Variants in DLG2 observed in about 807,000 individuals in gnomAD.
DLG2 encodes disks large homolog 2.
A neutral mutation model predicts 132.5 loss-of-function variants in DLG2; 45 were observed. The observed-to-expected ratio is 0.34, with a 90% CI of 0.27 to 0.44. The LOEUF is 0.44. DLG2 is among the 20% of genes least tolerant of loss of function. The pLI is 1.00. For missense variants in DLG2, 1,045 were observed against 1,196.9 expected (o/e 0.87, Z 1.87); for synonymous variants, 424 against 419.6 (o/e 1.01, Z -0.13).
intron 3 of DLG2, among the ~76,000 whole-genome samples, chr11:85,595,451 A>G (rs2079679792): frequency 6.6e-6 from 1 of 152,188 alleles, no homozygotes; most frequent in Non-Finnish European, 1.5e-5. Flanking sequence ...ATTTGGATAA[A>G]TGTTTCCTTA....
At chr11:85,515,091 A>G (rs1412346351) in intron 3 of DLG2, among the ~76,000 whole-genome samples, 1 of 151,934 alleles carries the variant, frequency 6.6e-6, no homozygotes, top group East Asian at 1.9e-4. Flanking sequence ...CTGTAGTCAG[A>G]TAACTGGAGT....
chr11:85,509,503 G>A (rs1183106788), intron 3 of DLG2, among the ~76,000 whole-genome samples: 2 of 152,034 alleles, frequency 1.3e-5, no homozygotes, highest in Admixed American at 1.3e-4. Context: ...TGGTTTGTCA[G>A]AGGAAAGACA....
chr11:84,905,007 C>T (rs1234301992), intron 6 of DLG2, among the ~76,000 whole-genome samples: 2 of 152,080 alleles, frequency 1.3e-5, no homozygotes, highest in African/African-American at 4.8e-5. Context: ...TCCCAAGTAG[C>T]TTGGATTATA....
intron 6 of DLG2, among the ~76,000 whole-genome samples, chr11:84,560,554 C>T (rs1592369453): frequency 6.6e-6 from 1 of 152,164 alleles, no homozygotes; most frequent in Admixed American, 6.5e-5. Flanking sequence ...TTCTATAAGA[C>T]ATGGCAGATT....
At chr11:83,558,753 C>T (rs1236549208) in intron 19 of DLG2, among the ~76,000 whole-genome samples, 1 of 152,090 alleles carries the variant, frequency 6.6e-6, no homozygotes, top group East Asian at 1.9e-4. Context: ...CAGAGGTTGA[C>T]TGACTAATTA....
chr11:85,413,750 T>C (rs1203415595), intron 3 of DLG2, among the ~76,000 whole-genome samples: 2 of 152,088 alleles, frequency 1.3e-5, no homozygotes, highest in East Asian at 1.9e-4. Flanking sequence ...TTCTATTCCA[T>C]TGGTCTGTGT....
chr11:83,705,012 C>A (rs1443077557), intron 18 of DLG2, among the ~76,000 whole-genome samples: 1 of 152,006 alleles, frequency 6.6e-6, no homozygotes, highest in Non-Finnish European at 1.5e-5. Context: ...ACAAATATAC[C>A]TCCTGAATCT....
chr11:84,234,140 A>G (rs2097129294), intron 8 of DLG2, among the ~76,000 whole-genome samples: 2 of 152,110 alleles, frequency 1.3e-5, no homozygotes, highest in Admixed American at 6.5e-5. Context: ...TGGACAGCCC[A>G]CCCCGAGGGA....
Position 84,418,829 on chromosome 11 carries a change from C to T in DLG2, c.519+115741G>A, listed in dbSNP as rs147893335. Among the ~76,000 whole-genome samples the T allele has an allele frequency of 3.7e-3, 558 of 152,300 alleles. 5 individuals are homozygous for T. The highest frequency in any genetic ancestry group is 0.013 in the African/African-American group (538 of 41,548). On this transcript the variant is annotated intron_variant, in intron 7 of 27. Coordinates refer to ENST00000376104, the MANE Select transcript of DLG2 (RefSeq NM_001142699.3). ...TGTTTTCTCACCCTGGAATGCTGTC[C>T]TACCCTCTTCTGCCTATCAAAATCC...
chr11:84,956,173 A>C (rs1390058196), intron 6 of DLG2, among the ~76,000 whole-genome samples: 2 of 152,202 alleles, frequency 1.3e-5, no homozygotes, highest in African/African-American at 4.8e-5. Flanking sequence ...CCAGACACTT[A>C]AGTTGAGGTC....
At chr11:84,316,639 T>C (rs1343123040) in intron 7 of DLG2, among the ~76,000 whole-genome samples, 1 of 152,128 alleles carries the variant, frequency 6.6e-6, no homozygotes, top group Non-Finnish European at 1.5e-5. Context: ...ATCCCTAGAC[T>C]TTCACAGGCC....
intron 11 of DLG2, among the ~76,000 whole-genome samples, chr11:84,000,893 C>T (rs978944290): frequency 6.6e-6 from 1 of 151,984 alleles, no homozygotes; most frequent in African/African-American, 2.4e-5. Context: ...GACACATCTG[C>T]CATTATGAAA....
chr11:84,791,688 T>C (rs1318520661), intron 6 of DLG2, among the ~76,000 whole-genome samples: 2 of 152,232 alleles, frequency 1.3e-5, no homozygotes, highest in Non-Finnish European at 2.9e-5. Flanking sequence ...TTTAATTTTA[T>C]TTATGGCTAC....
chr11:85,435,598 C>G (rs2091436174), intron 3 of DLG2, among the ~76,000 whole-genome samples: 1 of 151,982 alleles, frequency 6.6e-6, no homozygotes, highest in Non-Finnish European at 1.5e-5. Flanking sequence ...ATCAATACAG[C>G]TAACAAAGGG....
chr11:84,858,796 T>C (rs1162987701), intron 6 of DLG2, among the ~76,000 whole-genome samples: 1 of 151,830 alleles, frequency 6.6e-6, no homozygotes, highest in Non-Finnish European at 1.5e-5. Flanking sequence ...ACTAACATCA[T>C]GGGAAATAGT....
chr11:85,012,371 A>C (rs539380231), intron 6 of DLG2, among the ~76,000 whole-genome samples: 6 of 141,738 alleles, frequency 4.2e-5, no homozygotes, highest in African/African-American at 1.6e-4. Flanking sequence ...CTAAAAATAC[A>C]AAATTCGCTG....
intron 6 of DLG2, among the ~76,000 whole-genome samples, chr11:84,543,843 A>T (rs2099384168): frequency 6.6e-6 from 1 of 152,278 alleles, no homozygotes; most frequent in Middle Eastern, 3.4e-3. Flanking sequence ...AAGTGAAAGG[A>T]AATACTTTCC....
rs139212518 is a variant in DLG2 at position 84,797,663 on chromosome 11, G to T, written c.358-262932C>A. ...TTGAATTAGATTGAGCTTCCTCAAA[G>T]AAGCTATTTTGGATTGTCTGAAAGG... On this transcript the variant is annotated intron_variant, in intron 6 of 27. Coordinates refer to ENST00000376104, the MANE Select transcript of DLG2 (RefSeq NM_001142699.3). Among the ~76,000 whole-genome samples, 81 of 152,286 alleles carry T rather than the reference G, an allele frequency of 5.3e-4. No individual in the cohort carries two copies. The East Asian group carries it at 0.015, about 27-fold the overall frequency.
At chr11:84,745,184 G>T (rs2065205910) in intron 6 of DLG2, among the ~76,000 whole-genome samples, 1 of 152,226 alleles carries the variant, frequency 6.6e-6, no homozygotes, top group South Asian at 2.1e-4. Context: ...TCATGATATG[G>T]TTTGGATCTG....
Sources: gnomAD v4.1 joint callset for allele counts (sites outside exome capture counted in the v4.1 genomes callset) on GRCh38, gnomAD v4.1.1 for gene constraint, MANE v1.5 for transcripts, NCBI Gene and HGNC (gene_info 2026-07-23, HGNC 2026-07-21) for gene names.